The following RALYL variants were observed in gnomAD, a reference collection of about 807,000 sequenced individuals.
RALYL encodes RNA-binding Raly-like protein.
RALYL carries 29 observed loss-of-function variants against 35.1 expected under a neutral mutation model. The ratio of observed to expected loss-of-function variants is 0.83; its 90% CI spans 0.61 to 1.13. The LOEUF (loss-of-function observed/expected upper bound fraction) is 1.13, where lower values mean the gene tolerates loss of function less well. Ranked by LOEUF, RALYL falls within the 50% of genes most tolerant of loss-of-function variation. RALYL has a pLI of 0.00. For missense variants in RALYL, 359 were observed against 360.4 expected (o/e 1.00, Z 0.03); for synonymous variants, 120 against 127.6 (o/e 0.94, Z 0.40).
chr8:84,401,392 CT>C (rs2042874720), intron 1 of RALYL, among the ~76,000 whole-genome samples: 1 of 151,940 alleles, frequency 6.6e-6, no homozygotes, highest in Non-Finnish European at 1.5e-5. Context: ...AATCCCAGCA[CT>C]TTGGGAGGCC....
At chr8:84,741,864 A>G (rs1220211967) in intron 2 of RALYL, among the ~76,000 whole-genome samples, 1 of 152,010 alleles carries the variant, frequency 6.6e-6, no homozygotes, top group Non-Finnish European at 1.5e-5. Context: ...TACTGTTTTC[A>G]TTGTTAGTAG....
At chr8:84,316,151 G>A (rs1843710056) in intron 1 of RALYL, among the ~76,000 whole-genome samples, 1 of 152,016 alleles carries the variant, frequency 6.6e-6, no homozygotes, top group Non-Finnish European at 1.5e-5. Flanking sequence ...TCTTTACTCT[G>A]ATTTCCCAGA....
chr8:84,298,527 T>C (rs1405575004), intron 1 of RALYL, among the ~76,000 whole-genome samples: 2 of 152,194 alleles, frequency 1.3e-5, no homozygotes, highest in African/African-American at 4.8e-5. Context: ...AGGATTACTT[T>C]GGCTATTTGG....
intron 3 of RALYL, among the ~76,000 whole-genome samples, chr8:84,798,329 TAAAAAAA>T (rs11337488): frequency 6.6e-6 from 1 of 150,410 alleles, no homozygotes; most frequent in African/African-American, 2.4e-5. Flanking sequence ...ACTCAGAGAT[TAAAAAAA>T]AAAAGTAATA....
At chr8:84,329,849 A>T (rs1000172882) in intron 1 of RALYL, among the ~76,000 whole-genome samples, 2 of 152,072 alleles carry the variant, frequency 1.3e-5, no homozygotes, top group African/African-American at 4.8e-5. Flanking sequence ...GATGTAAGCT[A>T]ATTTGATGCC....
chr8:84,400,774 G>A (rs537099554), intron 1 of RALYL, among the ~76,000 whole-genome samples: 2 of 152,236 alleles, frequency 1.3e-5, no homozygotes, highest in South Asian at 4.1e-4. Context: ...AGCTGTGTAG[G>A]CACCATTAGT....
At chr8:84,612,287 G>T (rs1564234847) in intron 2 of RALYL, among the ~76,000 whole-genome samples, 1 of 151,914 alleles carries the variant, frequency 6.6e-6, no homozygotes, top group Admixed American at 6.6e-5. Context: ...GTGGTTGTCT[G>T]TATATTACCC....
chr8:84,197,844 T>C (rs1193475226), intron 1 of RALYL, among the ~76,000 whole-genome samples: 1 of 152,166 alleles, frequency 6.6e-6, no homozygotes, highest in Non-Finnish European at 1.5e-5. Context: ...GAAATTTTAT[T>C]TCACTCTTTT....
At chr8:84,400,373 G>A (rs111995669) in intron 1 of RALYL, among the ~76,000 whole-genome samples, 4,502 of 152,184 alleles carry the variant, frequency 0.03, 220 homozygotes, top group African/African-American at 0.1. Flanking sequence ...AAAAATTTTC[G>A]GATTTTGGAG....
chr8:84,800,522 G>A (rs976838549), intron 3 of RALYL, among the ~76,000 whole-genome samples: 1 of 151,968 alleles, frequency 6.6e-6, no homozygotes, highest in African/African-American at 2.4e-5. Context: ...TCTCCACTAT[G>A]TCTTACTCTT....
intron 2 of RALYL, among the ~76,000 whole-genome samples, chr8:84,682,452 T>C (rs192319720): frequency 3.8e-4 from 58 of 152,320 alleles, no homozygotes; most frequent in African/African-American, 1.3e-3. Flanking sequence ...AGAATTCGGC[T>C]GCGAATCCAT....
intron 2 of RALYL, among the ~76,000 whole-genome samples, chr8:84,577,761 T>G (rs751151260): frequency 1.1e-4 from 17 of 152,094 alleles, no homozygotes; most frequent in Non-Finnish European, 2.4e-4. Flanking sequence ...GTAAATACAT[T>G]TAAAGATAAT....
intron 2 of RALYL, among the ~76,000 whole-genome samples, chr8:84,587,967 G>T (rs1812364775): frequency 6.6e-6 from 1 of 152,154 alleles, no homozygotes; most frequent in African/African-American, 2.4e-5. Flanking sequence ...AGAGTTGTCA[G>T]CCTCCTAAAG....
chr8:84,648,716 A>C (rs1828036098), intron 2 of RALYL, among the ~76,000 whole-genome samples: 1 of 151,724 alleles, frequency 6.6e-6, no homozygotes, highest in Admixed American at 6.6e-5. Context: ...AGGATGTCTT[A>C]AGCATTTTGA....
intron 1 of RALYL, among the ~76,000 whole-genome samples, chr8:84,271,816 G>A (rs1834361164): frequency 6.6e-6 from 1 of 152,132 alleles, no homozygotes; most frequent in Admixed American, 6.5e-5. Context: ...AAGCAGATCT[G>A]TGCTGGGAGG....
At chr8:84,727,345 C>G (rs1845158668) in intron 2 of RALYL, among the ~76,000 whole-genome samples, 1 of 151,852 alleles carries the variant, frequency 6.6e-6, no homozygotes, top group Non-Finnish European at 1.5e-5. Context: ...AACATTAAAC[C>G]CTGAAGGTAT....
At chr8:84,897,340 C>G (rs997877807) in intron 8 of RALYL, among the ~76,000 whole-genome samples, 1 of 151,972 alleles carries the variant, frequency 6.6e-6, no homozygotes, top group Admixed American at 6.6e-5. Context: ...TTTTAAAAAC[C>G]CTGGATTATC....
intron 2 of RALYL, among the ~76,000 whole-genome samples, chr8:84,532,806 C>T (rs1288368705): frequency 1.3e-5 from 2 of 152,080 alleles, no homozygotes; most frequent in East Asian, 1.9e-4. Flanking sequence ...AAAAATTAAA[C>T]ACTCTAATGT....
chr8:84,673,591 C>T (rs1015105650), intron 2 of RALYL, among the ~76,000 whole-genome samples: 4 of 152,190 alleles, frequency 2.6e-5, no homozygotes, highest in African/African-American at 9.7e-5. Flanking sequence ...TAATCTTCTG[C>T]ATATGGCTAG....
Sources: gnomAD v4.1 joint callset for allele counts (sites outside exome capture counted in the v4.1 genomes callset) on GRCh38, gnomAD v4.1.1 for gene constraint, MANE v1.5 for transcripts, NCBI Gene and HGNC (gene_info 2026-07-23, HGNC 2026-07-21) for gene names.